Variants in GNAL observed in about 807,000 individuals in gnomAD.
GNAL encodes G protein subunit alpha L.
GNAL carries 18 observed loss-of-function variants against 55.1 expected under a neutral mutation model. That is an observed-to-expected ratio of 0.33 (90% CI 0.23 to 0.48). The LOEUF is 0.48. Among genes scored for constraint, GNAL ranks in the 20% least tolerant of loss-of-function variants. The pLI is 0.99. For missense variants in GNAL, 412 were observed against 614.1 expected (o/e 0.67, Z 3.48); for synonymous variants, 253 against 237.0 (o/e 1.07, Z -0.62).
At chr18:11,767,680 T>G (rs1170324326) in intron 4 of GNAL, among the ~76,000 whole-genome samples, 2 of 152,180 alleles carry the variant, frequency 1.3e-5, no homozygotes, top group Non-Finnish European at 2.9e-5. Context: ...GTTTGCACAA[T>G]TGCGCTCTGT....
At chr18:11,698,945 C>T (rs948839274) in intron 1 of GNAL, among the ~76,000 whole-genome samples, 1 of 130,880 alleles carries the variant, frequency 7.6e-6, no homozygotes, top group Non-Finnish European at 1.5e-5. Flanking sequence ...ACCAAGAGAC[C>T]TAGCTAATTT....
intron 5 of GNAL, among the ~76,000 whole-genome samples, chr18:11,849,954 C>G (rs141896561): frequency 6.6e-6 from 1 of 152,220 alleles, no homozygotes; most frequent in Non-Finnish European, 1.5e-5. Context: ...CCTATACACA[C>G]AGACCCCTTG....
intron 1 of GNAL, among the ~76,000 whole-genome samples, chr18:11,750,972 G>A (rs948516211): frequency 3.3e-5 from 5 of 152,162 alleles, no homozygotes; most frequent in African/African-American, 7.2e-5. Flanking sequence ...CCTGAGGGTA[G>A]GGGAAGCGCC....
chr18:11,870,464 C>T (rs2036371105), intron 9 of GNAL, among the ~76,000 whole-genome samples: 1 of 151,752 alleles, frequency 6.6e-6, no homozygotes, highest in African/African-American at 2.4e-5. Flanking sequence ...GAGGTTGCAG[C>T]GAGCTGAGAT....
intron 11 of GNAL, among the ~76,000 whole-genome samples, chr18:11,877,283 A>G (rs1189059712): frequency 2.0e-5 from 3 of 152,134 alleles, no homozygotes; most frequent in Non-Finnish European, 4.4e-5. Context: ...GTGAAACCCC[A>G]TCTCTACTAA....
At chr18:11,850,003 G>T (rs191577673) in intron 5 of GNAL, among the ~76,000 whole-genome samples, 151 of 152,348 alleles carry the variant, frequency 9.9e-4, no homozygotes, top group Non-Finnish European at 1.4e-3. Context: ...CACAGAGGAG[G>T]AGTCCTGGGG....
rs368867451 is a variant in GNAL, at chr18:11,769,011, T to C, written c.624+15066T>C. 3.3e-5 allele frequency among the ~76,000 whole-genome samples: 3 copies of C among 91,266 alleles called. 1 individual carries two copies. The highest frequency in any genetic ancestry group is 2.5e-4 in the Admixed American group (2 of 7,938). 59.9% of individuals were successfully genotyped at this position (91,266 alleles called of 152,430 possible). ...TCTATATTATAATATAGAATATATA[T>C]ATTCTATATTATAATATATTATATA... On this transcript the variant is annotated intron_variant, in intron 4 of 11. Transcript: ENST00000334049.
At chr18:11,691,128 T>C (rs1243659953) in intron 1 of GNAL, among the ~76,000 whole-genome samples, 5 of 151,126 alleles carry the variant, frequency 3.3e-5, no homozygotes, top group Admixed American at 2.6e-4. Context: ...CCTGTTGTTT[T>C]CTGACTTTTT....
intron 4 of GNAL, among the ~76,000 whole-genome samples, chr18:11,766,909 C>G (rs1426048132): frequency 6.6e-6 from 1 of 152,160 alleles, no homozygotes; most frequent in East Asian, 1.9e-4. Flanking sequence ...GGCTAATAAC[C>G]TGGGATGGCA....
chr18:11,858,666 A>C (rs2143820700), intron 5 of GNAL, among the ~76,000 whole-genome samples: 1 of 152,344 alleles, frequency 6.6e-6, no homozygotes, highest in East Asian at 1.9e-4. Context: ...AAAGTCTTTC[A>C]AAGAATTGGG....
intron 1 of GNAL, among the ~76,000 whole-genome samples, chr18:11,711,971 GT>G (rs1341849344): frequency 2.0e-5 from 3 of 152,186 alleles, no homozygotes; most frequent in African/African-American, 4.8e-5. Flanking sequence ...GGATTTACTG[GT>G]TTCTTTTTTC....
At chr18:11,816,768 C>T (rs1396489807) in intron 4 of GNAL, among the ~76,000 whole-genome samples, 2 of 150,202 alleles carry the variant, frequency 1.3e-5, no homozygotes, top group African/African-American at 2.5e-5. Context: ...GAGCCAAGAT[C>T]GTGCCACTGC....
chr18:11,696,112 C>T (rs1053532644), intron 1 of GNAL, among the ~76,000 whole-genome samples: 5 of 152,262 alleles, frequency 3.3e-5, no homozygotes, highest in South Asian at 4.1e-4. Context: ...TTGCTGTCTT[C>T]GTTTTTTGCC....
intron 1 of GNAL, among the ~76,000 whole-genome samples, chr18:11,733,994 C>T (rs113766214): frequency 3.9e-5 from 6 of 152,040 alleles, no homozygotes; most frequent in African/African-American, 1.4e-4. Flanking sequence ...CTGGAGGAGG[C>T]CCCCAGCCTC....
At position 11,752,129 on chromosome 18, in the gene GNAL, G is replaced by A. The variant is rs905671058; in HGVS notation, c.377-724G>A. On this transcript the variant is annotated intron_variant, in intron 1 of 11. Transcript: ENST00000334049. The surrounding 1 kb of genome is among the most constrained non-coding windows in gnomAD (Gnocchi z 4.5). ...ACCTCGGCTGTCTCCAGCGGAGACC[G>A]GCGCCCTCGCCCCCCGTCTCCGTTC... 1 of 214,346 alleles carries A rather than the reference G, an allele frequency of 4.7e-6. No homozygotes were observed. The highest frequency in any genetic ancestry group is 8.7e-6 in the Non-Finnish European group (1 of 114,322). The allele number at this position is 214,346 out of a possible 1,614,324, so 13.3% of individuals were successfully genotyped here. A position where few individuals can be genotyped will look rare whatever the true frequency, so the allele number is the denominator to read the frequency against.
chr18:11,830,309 G>A (rs546093956), intron 5 of GNAL, among the ~76,000 whole-genome samples: 10 of 140,030 alleles, frequency 7.1e-5, no homozygotes, highest in East Asian at 6.2e-4. Flanking sequence ...TTTTTGAGGC[G>A]GAGTTTCGCT....
intron 4 of GNAL, among the ~76,000 whole-genome samples, chr18:11,791,372 T>C (rs1568028942): frequency 6.6e-6 from 1 of 152,214 alleles, no homozygotes; most frequent in African/African-American, 2.4e-5. Flanking sequence ...GCTCCCCTGT[T>C]GAGCAGTGAA....
intron 1 of GNAL, among the ~76,000 whole-genome samples, chr18:11,742,841 C>T (rs930390942): frequency 3.9e-5 from 6 of 152,228 alleles, no homozygotes; most frequent in Admixed American, 1.3e-4. Context: ...TAGCCCTCGG[C>T]TCATACCCAT....
intron 1 of GNAL, among the ~76,000 whole-genome samples, chr18:11,726,282 T>G (rs1226038884): frequency 6.6e-6 from 1 of 152,260 alleles, no homozygotes; most frequent in Non-Finnish European, 1.5e-5. Context: ...GTTAAGAATT[T>G]AATAGGCCTT....
Sources: gnomAD v4.1 joint callset for allele counts (sites outside exome capture counted in the v4.1 genomes callset) on GRCh38, gnomAD v4.1.1 for gene constraint, Gnocchi (gnomAD v3.1) non-coding constraint, MANE v1.5 for transcripts, NCBI Gene and HGNC (gene_info 2026-07-23, HGNC 2026-07-21) for gene names.